The following SPMAP2L variants were observed in gnomAD, a reference collection of about 807,000 sequenced individuals.
SPMAP2L encodes the protein sperm microtubule associated protein 2 like, also known as sperm microtubule associated protein 2-like.
the SPMAP2L span, among the ~76,000 whole-genome samples, chr4:56,543,152 T>C: frequency 4.6e-5 from 7 of 151,880 alleles, no homozygotes; most frequent in Non-Finnish European, 1.0e-4. Flanking sequence ...GGTGCGATCT[T>C]GGCTCACTGA....
the SPMAP2L span, among the ~76,000 whole-genome samples, chr4:56,562,773 A>G: frequency 8.6e-6 from 1 of 115,778 alleles, no homozygotes; most frequent in Non-Finnish European, 1.7e-5. Context: ...CTATTTTGTC[A>G]TATTTTCTTC....
At chr4:56,600,266 T>G in the SPMAP2L span, among the ~76,000 whole-genome samples, 1 of 151,940 alleles carries the variant, frequency 6.6e-6, no homozygotes, top group African/African-American at 2.4e-5. Flanking sequence ...AGTATTATTT[T>G]TAGCAAAATG....
the SPMAP2L span, among the ~76,000 whole-genome samples, chr4:56,597,794 G>A: frequency 3.3e-5 from 5 of 152,128 alleles, no homozygotes; most frequent in Middle Eastern, 3.4e-3. Flanking sequence ...GTGCAATGCA[G>A]AACACTTTCA....
the SPMAP2L span, among the ~76,000 whole-genome samples, chr4:56,564,552 T>C: frequency 1.5e-4 from 23 of 152,342 alleles, no homozygotes; most frequent in South Asian, 1.7e-3. Context: ...CCCTCATTTC[T>C]GGTATTGGTA....
At chr4:56,560,971 T>C in the SPMAP2L span, among the ~76,000 whole-genome samples, 145,088 of 152,168 alleles carry the variant, frequency 0.95, 69,256 homozygotes, top group Middle Eastern at 0.97. Context: ...GTCTCAAACT[T>C]CTGACCTCAA....
the SPMAP2L span, among the ~76,000 whole-genome samples, chr4:56,617,902 C>T: frequency 4.6e-5 from 7 of 152,180 alleles, no homozygotes; most frequent in Admixed American, 2.0e-4. Context: ...CCAAATTCTG[C>T]GTCCTTCTGC....
At chr4:56,543,378 C>T in the SPMAP2L span, among the ~76,000 whole-genome samples, 2 of 152,076 alleles carry the variant, frequency 1.3e-5, no homozygotes, top group Non-Finnish European at 2.9e-5. Context: ...CCACCGCGCC[C>T]AGCCATGTTT....
the SPMAP2L span, among the ~76,000 whole-genome samples, chr4:56,581,124 A>G: frequency 6.8e-3 from 1,041 of 152,168 alleles, 14 homozygotes; most frequent in African/African-American, 0.024. Flanking sequence ...GAAAAGAGGA[A>G]CTTAACATAA....
chr4:56,556,073 T>A, the SPMAP2L span, among the ~76,000 whole-genome samples: 1 of 152,186 alleles, frequency 6.6e-6, no homozygotes, highest in African/African-American at 2.4e-5. Flanking sequence ...TTAAGTAACT[T>A]ACCCAATTCA....
the SPMAP2L span, among the ~76,000 whole-genome samples, chr4:56,543,896 GTGTGTGTGTGTGTGTGTGTGTGTGTGTGT>G: frequency 1.7e-5 from 1 of 58,606 alleles, no homozygotes; most frequent in African/African-American, 8.3e-5. Flanking sequence ...GAGAGAGAGA[GTGTGTGTGTGTGTGTGTGTGTGTGTGTGT>G]ATGTGAGAGA....
the SPMAP2L span, among the ~76,000 whole-genome samples, chr4:56,617,939 G>A: frequency 6.6e-6 from 1 of 152,126 alleles, no homozygotes; most frequent in African/African-American, 2.4e-5. Flanking sequence ...AGTGCTTGTT[G>A]GCGTGCTCTT....
At chr4:56,616,259 T>C in the SPMAP2L span, among the ~76,000 whole-genome samples, 7 of 152,216 alleles carry the variant, frequency 4.6e-5, no homozygotes, top group African/African-American at 1.7e-4. Context: ...CTTCTGCTAG[T>C]GCATCTGTGT....
chr4:56,530,654 C>G, the SPMAP2L span: 1 of 1,527,306 alleles, frequency 6.5e-7, no homozygotes, highest in Non-Finnish European at 8.8e-7. Flanking sequence ...GAGTCCCGCG[C>G]GCGACAGAAG....
At chr4:56,605,053 G>A in the SPMAP2L span, among the ~76,000 whole-genome samples, 1 of 152,166 alleles carries the variant, frequency 6.6e-6, no homozygotes, top group African/African-American at 2.4e-5. Flanking sequence ...TGGGTACAGT[G>A]TACACTGCTT....
At chr4:56,584,676 T>C in the SPMAP2L span, 1 of 1,098,218 alleles carries the variant, frequency 9.1e-7, no homozygotes, top group Non-Finnish European at 1.3e-6. Context: ...TACCCTCTTT[T>C]TCTAGATGTG....
the SPMAP2L span, among the ~76,000 whole-genome samples, chr4:56,532,832 C>A: frequency 6.6e-6 from 1 of 152,196 alleles, no homozygotes; most frequent in Non-Finnish European, 1.5e-5. Context: ...TTGGAAAGAT[C>A]TTGTCCTTCA....
At chr4:56,540,210 A>AT in the SPMAP2L span, among the ~76,000 whole-genome samples, 1 of 152,204 alleles carries the variant, frequency 6.6e-6, no homozygotes, top group Non-Finnish European at 1.5e-5. Context: ...GAGACTTGGC[A>AT]TGTTGTCTCC....
the SPMAP2L span, among the ~76,000 whole-genome samples, chr4:56,588,544 G>A: frequency 6.6e-6 from 1 of 151,642 alleles, no homozygotes; most frequent in Non-Finnish European, 1.5e-5. Context: ...CAATTTGCCT[G>A]CTTCAGCCTC....
the SPMAP2L span, among the ~76,000 whole-genome samples, chr4:56,590,683 A>T: frequency 6.6e-6 from 1 of 152,216 alleles, no homozygotes; most frequent in South Asian, 2.1e-4. Flanking sequence ...GTATCTTATT[A>T]TTCCTTGTTG....
Sources: allele counts gnomAD v4.1 joint callset (sites outside exome capture counted in the v4.1 genomes callset), GRCh38; gene constraint gnomAD v4.1.1; transcripts MANE v1.5; gene names NCBI Gene and HGNC (gene_info 2026-07-23, HGNC 2026-07-21).